Variants in PRKN observed in about 807,000 individuals in gnomAD.
PRKN encodes E3 ubiquitin-protein ligase parkin.
Under a neutral mutation model 59.5 loss-of-function variants are expected in PRKN, and 56 were observed. That is an observed-to-expected ratio of 0.94 (90% CI 0.76 to 1.18). The LOEUF (loss-of-function observed/expected upper bound fraction) is 1.18, where lower values mean the gene tolerates loss of function less well. Ranked by LOEUF, PRKN falls within the 50% of genes most tolerant of loss-of-function variation. The pLI, the probability that PRKN is intolerant of heterozygous loss-of-function variation, is 0.00. For synonymous variants in PRKN, 250 were observed against 222.1 expected (o/e 1.13, Z -1.12); for missense variants, 657 against 596.4 (o/e 1.10, Z -1.06).
chr6:161,570,544 A>G (rs1562532545), intron 7 of PRKN, among the ~76,000 whole-genome samples: 1 of 151,810 alleles, frequency 6.6e-6, no homozygotes, highest in East Asian at 1.9e-4. Flanking sequence ...GAGAATGAAG[A>G]TGAAAACCTT....
chr6:161,734,468 G>T (rs76325977), intron 7 of PRKN, among the ~76,000 whole-genome samples: 19,720 of 152,120 alleles, frequency 0.13, 2,759 homozygotes, highest in African/African-American at 0.35. Flanking sequence ...ATGAAAGGCA[G>T]ATCGCAAAGT....
chr6:162,460,799 G>C (rs1467769308), intron 1 of PRKN, among the ~76,000 whole-genome samples: 2 of 152,134 alleles, frequency 1.3e-5, no homozygotes, highest in African/African-American at 4.8e-5. Context: ...ATGTGACAAA[G>C]TTTTTCTGTT....
intron 6 of PRKN, among the ~76,000 whole-genome samples, chr6:161,805,816 C>T (rs553509261): frequency 6.6e-6 from 1 of 152,222 alleles, no homozygotes; most frequent in Admixed American, 6.5e-5. Flanking sequence ...TGATGGTATC[C>T]ATCTCAGCTC....
intron 2 of PRKN, among the ~76,000 whole-genome samples, chr6:162,387,999 T>C (rs772093763): frequency 3.9e-5 from 6 of 152,038 alleles, no homozygotes; most frequent in Non-Finnish European, 7.4e-5. Context: ...CACGGTCTCG[T>C]GGGGAAGGCA....
intron 9 of PRKN, among the ~76,000 whole-genome samples, chr6:161,531,695 T>A (rs1365917555): frequency 1.3e-5 from 2 of 152,106 alleles, no homozygotes; most frequent in Non-Finnish European, 2.9e-5. Context: ...CCTGCTGCTC[T>A]AGGGCACCTA....
chr6:162,037,703 C>T (rs1783901533), intron 5 of PRKN, among the ~76,000 whole-genome samples: 1 of 152,082 alleles, frequency 6.6e-6, no homozygotes. Flanking sequence ...CACGCCACCA[C>T]ACCCAGCTAG....
chr6:162,254,084 A>G (rs1779545480), intron 3 of PRKN, among the ~76,000 whole-genome samples: 1 of 152,180 alleles, frequency 6.6e-6, no homozygotes, highest in African/African-American at 2.4e-5. Context: ...CTTCATGAAG[A>G]TGCATACACA....
At chr6:162,443,226 G>T (rs1790143886) in intron 2 of PRKN, 84 bp downstream of exon 2, 1 of 1,374,438 alleles carries the variant, frequency 7.3e-7, no homozygotes, top group South Asian at 1.2e-5. Context: ...TTAGATCTCA[G>T]GCATGAATGT....
intron 5 of PRKN, among the ~76,000 whole-genome samples, chr6:162,025,750 A>G (rs936391440): frequency 2.0e-4 from 31 of 151,350 alleles, no homozygotes; most frequent in Non-Finnish European, 1.5e-5. Context: ...ACACCTGGCT[A>G]ATTTTTTTTC....
At chr6:161,673,973 G>A (rs1437700351) in intron 7 of PRKN, among the ~76,000 whole-genome samples, 1 of 152,192 alleles carries the variant, frequency 6.6e-6, no homozygotes, top group Non-Finnish European at 1.5e-5. Context: ...GGCAGCTAGA[G>A]GTTTAATTTT....
intron 4 of PRKN, among the ~76,000 whole-genome samples, chr6:162,077,754 C>A (rs759097894): frequency 1.7e-4 from 26 of 151,922 alleles, no homozygotes; most frequent in Non-Finnish European, 3.1e-4. Context: ...AATCCCAGAA[C>A]TTTGAGAGGC....
intron 6 of PRKN, among the ~76,000 whole-genome samples, chr6:161,911,037 T>C (rs990648580): frequency 6.6e-6 from 1 of 152,214 alleles, no homozygotes; most frequent in African/African-American, 2.4e-5. Flanking sequence ...GATGTTTGCT[T>C]CGTGAGGGTG....
chr6:162,654,855 A>G (rs1778582884), intron 1 of PRKN, among the ~76,000 whole-genome samples: 1 of 152,010 alleles, frequency 6.6e-6, no homozygotes, highest in Admixed American at 6.6e-5. Flanking sequence ...TGGGGGGGGA[A>G]ATCCCCCTAT....
Position 161,599,037 on chromosome 6 carries a change from T to C in PRKN, c.872-29621A>G, listed in dbSNP as rs529716012. On this transcript the variant is annotated intron_variant, in intron 7 of 11. Coordinates refer to ENST00000366898, the MANE Select transcript of PRKN (RefSeq NM_004562.3). ...GATAACAGATCAGCTGTCTGAGTGA[T>C]GCAGCCACAAGCCGAGGAATGCCGA... Among the ~76,000 whole-genome samples the C allele has an allele frequency of 2.0e-5, 3 of 152,224 alleles. No individual in the cohort carries two copies. The East Asian group carries it at 5.8e-4, about 29-fold the overall frequency.
At chr6:162,368,706 C>T (rs1241319331) in intron 2 of PRKN, among the ~76,000 whole-genome samples, 2 of 152,168 alleles carry the variant, frequency 1.3e-5, no homozygotes, top group Admixed American at 6.6e-5. Flanking sequence ...AAAGCAATAC[C>T]TCAATGCAGA....
intron 1 of PRKN, among the ~76,000 whole-genome samples, chr6:162,494,627 T>G (rs975125579): frequency 1.3e-5 from 2 of 152,192 alleles, no homozygotes; most frequent in Non-Finnish European, 2.9e-5. Context: ...GAACCTTGAA[T>G]AAACCTCTTA....
At chr6:161,757,083 G>A (rs111283338) in intron 7 of PRKN, among the ~76,000 whole-genome samples, 2 of 152,076 alleles carry the variant, frequency 1.3e-5, no homozygotes, top group Admixed American at 1.3e-4. Context: ...ATACACAAAA[G>A]ATAATTCAAA....
chr6:162,504,390 C>T (rs910300244), intron 1 of PRKN, among the ~76,000 whole-genome samples: 10 of 152,104 alleles, frequency 6.6e-5, no homozygotes. Flanking sequence ...GCAATGAAGC[C>T]CAGGGCTCTG....
At chr6:162,323,148 C>A (rs184773540) in intron 2 of PRKN, among the ~76,000 whole-genome samples, 1 of 151,182 alleles carries the variant, frequency 6.6e-6, no homozygotes. Context: ...GTGCAGCACA[C>A]CAGCATGGCA....
Sources: allele counts gnomAD v4.1 joint callset (sites outside exome capture counted in the v4.1 genomes callset), GRCh38; gene constraint gnomAD v4.1.1; transcripts MANE v1.5; gene names NCBI Gene and HGNC (gene_info 2026-07-23, HGNC 2026-07-21).